TRPM2: variants seen among roughly 807,000 people sequenced by gnomAD.
The protein encoded by TRPM2 is transient receptor potential cation channel subfamily M member 2, also known as estrogen-responsive element-associated gene 1 protein.
Under a neutral mutation model 174.0 loss-of-function variants are expected in TRPM2, and 161 were observed. The ratio of observed to expected loss-of-function variants is 0.93; its 90% CI spans 0.81 to 1.05. The LOEUF is 1.05. TRPM2 is among the 50% of genes least tolerant of loss of function. The pLI is 0.00. For synonymous variants in TRPM2, 954 were observed against 861.3 expected (o/e 1.11, Z -1.88); for missense variants, 2,057 against 2,038.0 (o/e 1.01, Z -0.18).
At chr21:44,416,951 G>T (rs1340337342) in intron 20 of TRPM2, among the ~76,000 whole-genome samples, 6 of 128,966 alleles carry the variant, frequency 4.7e-5, no homozygotes, top group African/African-American at 9.1e-5. Context: ...CATCACAGTG[G>T]GCACGTGGGC....
In TRPM2 at chr21:44,423,852, A is replaced by G. The variant is rs905370076; in HGVS notation, c.3549+120A>G. The G allele has an allele frequency of 4.7e-6, 4 of 858,450 alleles. No individual in the cohort carries two copies. In the East Asian group the frequency reaches 1.1e-4, roughly 23 times the overall value. The allele number at this position is 858,450 out of a possible 1,614,324, so 53.2% of individuals were successfully genotyped here. On this transcript the variant is annotated intron_variant, in intron 23 of 31. Transcript: ENST00000397928. The stretch of plus-strand genomic sequence containing the variant: ...GGAGTGATGGTGAGGAGGAGGCCGG[A>G]ACGTTGGGGCAGCCATTCCCAGCTG...
At chr21:44,425,582 G>T in intron 24 of TRPM2, 88 bp from the exon 25 acceptor site, 1 of 1,375,608 alleles carries the variant, frequency 7.3e-7, no homozygotes, top group Non-Finnish European at 9.5e-7. Flanking sequence ...ATGTTTTGGC[G>T]GAAGGACCAC....
chr21:44,414,278 C>G (rs531476794), intron 20 of TRPM2, among the ~76,000 whole-genome samples: 2 of 152,218 alleles, frequency 1.3e-5, no homozygotes, highest in East Asian at 3.9e-4. Flanking sequence ...GAGTCTGTCT[C>G]TTGAGCTGGC....
rs552652572 is a variant in TRPM2, at chr21:44,382,967, C to T, written c.1318+147C>T. ...ACCCTGGCCAGAGGGCAGCTGGCGACGTGCAGGTGGGCGCCTGCCTGTCAC... is the reference window on the plus strand; with the variant it reads ...ACCCTGGCCAGAGGGCAGCTGGCGATGTGCAGGTGGGCGCCTGCCTGTCAC... On this transcript the variant is annotated intron_variant, in intron 9 of 31. Coordinates refer to ENST00000397928, the MANE Select transcript of TRPM2 (RefSeq NM_003307.4). The T allele has an allele frequency of 2.6e-4, 203 of 770,898 alleles. 2 individuals carry two copies. The highest frequency in any genetic ancestry group is 2.4e-3 in the South Asian group (133 of 56,130). The allele number at this position is 770,898 out of a possible 1,614,324, so 47.8% of individuals were successfully genotyped here.
rs181332803 is a variant in TRPM2, at chr21:44,438,437, G to A, written c.4168-630G>A. Among the ~76,000 whole-genome samples, 172 of 152,312 alleles carry A rather than the reference G, an allele frequency of 1.1e-3. No individual in the cohort carries two copies. The highest frequency in any genetic ancestry group is 4.1e-3 in the African/African-American group (170 of 41,564). The stretch of plus-strand genomic sequence containing the variant: ...GGCTCTGTAGGGCACGCACGCTTGA[G>A]GGTGGGAGTGTCATGGGGCTGAGGT... On this transcript the variant is annotated intron_variant, in intron 29 of 31. Transcript: ENST00000397928. The surrounding 1 kb of genome is among the most constrained non-coding windows in gnomAD (Gnocchi z 5.9).
In TRPM2 at chr21:44,353,797, C is replaced by T; in HGVS notation, c.97C>T (p.Leu33Phe). ...RVTDLGMVSN[L>F]RRSNSSLFKS... ...CACTGACCTGGGGATGGTCTCCAAT[C>T]TCCGGCGCAGCAACAGCAGCCTCTT... The change falls in exon 1 of 32, where the codon CTC becomes TTC. Residue 33 changes from leucine (L) to phenylalanine (F), a missense_variant. Coordinates refer to ENST00000397928, the MANE Select transcript of TRPM2 (RefSeq NM_003307.4). The T allele has an allele frequency of 1.9e-6, 3 of 1,602,868 alleles. No homozygotes were observed. Among genetic ancestry groups the T allele is most frequent in the Non-Finnish European group, 2.6e-6 (3 of 1,175,352 alleles).
intron 19 of TRPM2, among the ~76,000 whole-genome samples, chr21:44,407,041 A>G (rs2049915128): frequency 1.3e-5 from 2 of 149,478 alleles, no homozygotes; most frequent in South Asian, 2.1e-4. Flanking sequence ...ATCAGCTGAC[A>G]GCCCCCTGAA....
In TRPM2 at chr21:44,439,866, G is replaced by A. The variant is rs569450659; in HGVS notation, c.4269+698G>A. Among the ~76,000 whole-genome samples the A allele has an allele frequency of 1.1e-4, 16 of 152,148 alleles. No individual in the cohort carries two copies. The highest frequency in any genetic ancestry group is 2.2e-4 in the Non-Finnish European group (15 of 67,988). ...CCTCCCAGGCAGCAGGGGCTGCAGC[G>A]GTGAGACACCACACCCGTCTAATAT... On this transcript the variant is annotated intron_variant, in intron 30 of 31. Coordinates refer to ENST00000397928, the MANE Select transcript of TRPM2 (RefSeq NM_003307.4). This position sits in a 1 kb window ranked among gnomAD's most constrained non-coding sequence, Gnocchi z 5.1.
intron 9 of TRPM2, among the ~76,000 whole-genome samples, chr21:44,384,687 A>G (rs952492438): frequency 6.6e-6 from 1 of 152,214 alleles, no homozygotes; most frequent in African/African-American, 2.4e-5. Flanking sequence ...AAAACATTCA[A>G]GCCATAGCAC....
intron 6 of TRPM2, among the ~76,000 whole-genome samples, chr21:44,377,304 G>A (rs530316114): frequency 2.0e-5 from 3 of 152,308 alleles, no homozygotes; most frequent in South Asian, 4.1e-4. Flanking sequence ...GCATCCACGC[G>A]TGGCAGGTTG....
chr21:44,413,826 C>G (rs531791642), intron 19 of TRPM2, 65 bp from the exon 20 acceptor site: 2 of 1,553,294 alleles, frequency 1.3e-6, no homozygotes, highest in Non-Finnish European at 1.8e-6. Flanking sequence ...AGGGCCCCCT[C>G]CTGCCAAGCT....
chr21:44,403,590 A>C (rs45498903), intron 16 of TRPM2, among the ~76,000 whole-genome samples: 4,573 of 151,918 alleles, frequency 0.03, 233 homozygotes, highest in African/African-American at 0.1. Context: ...ACATGCACAC[A>C]CATGCACACA....
At chr21:44,402,222 G>A (rs1216471197) in intron 16 of TRPM2, among the ~76,000 whole-genome samples, 5 of 152,190 alleles carry the variant, frequency 3.3e-5, no homozygotes, top group African/African-American at 9.7e-5. Flanking sequence ...AGCAGTGCAA[G>A]GTGTGGGGTC....
At chr21:44,386,070 G>C (rs547186480) in intron 9 of TRPM2, among the ~76,000 whole-genome samples, 27 of 152,190 alleles carry the variant, frequency 1.8e-4, no homozygotes, top group African/African-American at 5.8e-4. Context: ...AAAGTAGCAG[G>C]ACACAAAATC....
In TRPM2 at chr21:44,424,145, G is replaced by A. The variant is rs45622532; in HGVS notation, c.3549+413G>A. Among the ~76,000 whole-genome samples the A allele has an allele frequency of 3.4e-3, 521 of 152,302 alleles. 3 individuals carry two copies. The highest frequency in any genetic ancestry group is 0.012 in the African/African-American group (491 of 41,568). On this transcript the variant is annotated intron_variant, in intron 23 of 31. Coordinates refer to ENST00000397928, the MANE Select transcript of TRPM2 (RefSeq NM_003307.4). ...CCCATCAACGTCCACCAGCTGGGCCGGGCTGTGCTGTCCAACAACAGCACC... is the reference window on the plus strand; with the variant it reads ...CCCATCAACGTCCACCAGCTGGGCCAGGCTGTGCTGTCCAACAACAGCACC...
In TRPM2 at chr21:44,425,750, G is replaced by A. The variant is rs143426189; in HGVS notation, c.3718G>A (p.Val1240Met). Residue 1240 changes from valine (V) to methionine (M), a missense_variant, in exon 25 of 32, where the codon GTG becomes ATG. Coordinates refer to ENST00000397928, the MANE Select transcript of TRPM2 (RefSeq NM_003307.4). ...GGAGGAGCCGGGCGACAGCTACCAC[G>A]TGAATGCCCGGCACCTCCTCTACCC... Reference protein sequence around the residue: ...KTEEPGDSYHVNARHLLYPNC... With the variant: ...KTEEPGDSYHMNARHLLYPNC... 1.3e-4 allele frequency: 215 copies of A among 1,594,312 alleles called. No individual in the cohort carries two copies. Among genetic ancestry groups the A allele is most frequent in the Middle Eastern group, 2.1e-4 (1 of 4,714 alleles).
In TRPM2 at chr21:44,399,706, A is replaced by G. The variant is rs2049549760; in HGVS notation, c.2208+265A>G. On this transcript the variant is annotated intron_variant, in intron 14 of 31. Coordinates refer to ENST00000397928, the MANE Select transcript of TRPM2 (RefSeq NM_003307.4). This position sits in a 1 kb window ranked among gnomAD's most constrained non-coding sequence, Gnocchi z 4.6. ...CTCCCCATGGATGTTCCTACCTGGG[A>G]GCGGCAGGCAGAAGCCCAGGTGGCT... Among the ~76,000 whole-genome samples, 1 of 152,146 alleles carries G rather than the reference A, an allele frequency of 6.6e-6. No individual in the cohort carries two copies. The highest frequency in any genetic ancestry group is 6.5e-5 in the Admixed American group (1 of 15,278).
Position 44,406,766 on chromosome 21 carries a change from G to GT in TRPM2, c.2962+2dup, listed in dbSNP as rs752312973. 6.3e-6 allele frequency: 10 copies of GT among 1,598,284 alleles called. No homozygotes were observed. Among genetic ancestry groups the GT allele is most frequent in the Non-Finnish European group, 8.5e-7 (1 of 1,174,630 alleles). The stretch of plus-strand genomic sequence containing the variant: ...GGGCAGATCCCGGGCTACATCGACG[G>GT]TAGGAGCCGGGCGCCATGGGAGCTC... On this transcript the variant is annotated splice_donor_variant, in intron 19 of 31. Transcript: ENST00000397928. LOFTEE classifies it high-confidence loss of function.
chr21:44,436,121 A>G (rs2051257368), intron 28 of TRPM2, among the ~76,000 whole-genome samples: 1 of 152,040 alleles, frequency 6.6e-6, no homozygotes, highest in Admixed American at 6.6e-5. Flanking sequence ...TCACCCCCTC[A>G]GGCTCACTCC....
Sources: allele counts gnomAD v4.1 joint callset (sites outside exome capture counted in the v4.1 genomes callset), GRCh38; gene constraint gnomAD v4.1.1; non-coding constraint Gnocchi (gnomAD v3.1); transcripts MANE v1.5; gene names NCBI Gene and HGNC (gene_info 2026-07-23, HGNC 2026-07-21).